RIPOR2: variants seen among roughly 807,000 people sequenced by gnomAD.
The protein encoded by RIPOR2 is rho family-interacting cell polarization regulator 2.
Under a neutral mutation model 114.5 loss-of-function variants are expected in RIPOR2, and 39 were observed. The ratio of observed to expected loss-of-function variants is 0.34; its 90% CI spans 0.26 to 0.44. The LOEUF is 0.44. Ranked by LOEUF, RIPOR2 falls within the 20% of genes least tolerant of loss-of-function variation. The pLI is 1.00. For synonymous variants in RIPOR2, 445 were observed against 484.4 expected (o/e 0.92, Z 1.07); for missense variants, 1,007 against 1,255.1 (o/e 0.80, Z 2.99).
intron 1 of RIPOR2, chr6:25,023,204 G>A (rs1776417003): frequency 1.6e-6 from 1 of 637,272 alleles, no homozygotes; most frequent in Admixed American, 1.8e-5. Flanking sequence ...GTACTTGGGG[G>A]ATCTGCAAAT....
chr6:25,011,473 C>A (rs1775772421), intron 1 of RIPOR2, among the ~76,000 whole-genome samples: 1 of 152,186 alleles, frequency 6.6e-6, no homozygotes, highest in Non-Finnish European at 1.5e-5. Flanking sequence ...GTCACATAGT[C>A]ATCAAACCAC....
intron 1 of RIPOR2, chr6:25,024,228 T>G: frequency 6.6e-7 from 1 of 1,521,306 alleles, no homozygotes; most frequent in South Asian, 1.1e-5. Context: ...GAGGTAGCGG[T>G]CCTCATACAG....
intron 1 of RIPOR2, among the ~76,000 whole-genome samples, chr6:24,968,738 T>C (rs1773645773): frequency 6.6e-6 from 1 of 152,128 alleles, no homozygotes; most frequent in Admixed American, 6.5e-5. Flanking sequence ...GAGTGAGTCA[T>C]TCCTTAAATT....
intron 1 of RIPOR2, among the ~76,000 whole-genome samples, chr6:25,031,701 A>T (rs1320377016): frequency 2.2e-3 from 3 of 1,372 alleles, no homozygotes; most frequent in East Asian, 0.014. Context: ...GGTGGTAGTT[A>T]TATATATATA....
chr6:24,850,844 C>T, intron 9 of RIPOR2, 122 bp from the exon 10 acceptor site: 1 of 1,103,796 alleles, frequency 9.1e-7, no homozygotes, highest in African/African-American at 1.5e-5. Context: ...CTTACTCTCC[C>T]TCCACCCCCT....
chr6:24,906,169 C>G (rs1030383679), intron 1 of RIPOR2, among the ~76,000 whole-genome samples: 1 of 152,148 alleles, frequency 6.6e-6, no homozygotes, highest in Non-Finnish European at 1.5e-5. Flanking sequence ...TGCCTTTTGA[C>G]TGTCCCTAAC....
intron 19 of RIPOR2, among the ~76,000 whole-genome samples, chr6:24,822,405 AT>A (rs1759776607): frequency 6.6e-6 from 1 of 152,242 alleles, no homozygotes; most frequent in Admixed American, 6.5e-5. Context: ...CCAAGCTAAC[AT>A]GCTAGGTGAT....
At chr6:24,957,384 A>C (rs1410632255) in intron 1 of RIPOR2, among the ~76,000 whole-genome samples, 2 of 152,226 alleles carry the variant, frequency 1.3e-5, no homozygotes, top group Non-Finnish European at 2.9e-5. Context: ...CAAGAGGTTA[A>C]GTAACTTGTC....
intron 1 of RIPOR2, among the ~76,000 whole-genome samples, chr6:24,991,864 G>C (rs1007599369): frequency 2.0e-4 from 31 of 152,140 alleles, no homozygotes; most frequent in Non-Finnish European, 4.4e-5. Context: ...ACCTTCCGAG[G>C]GAAGCTAACC....
chr6:24,955,909 T>A (rs919762026), intron 1 of RIPOR2, among the ~76,000 whole-genome samples: 1 of 150,794 alleles, frequency 6.6e-6, no homozygotes, highest in African/African-American at 2.4e-5. Flanking sequence ...CTTGGGAGGC[T>A]GAGGCAGGAG....
intron 1 of RIPOR2, among the ~76,000 whole-genome samples, chr6:24,987,340 A>G (rs1387323770): frequency 6.6e-6 from 1 of 152,186 alleles, no homozygotes; most frequent in Admixed American, 6.5e-5. Context: ...AGGTGATGAT[A>G]CACATTGCAT....
chr6:25,009,585 G>T (rs1313123763), intron 1 of RIPOR2, among the ~76,000 whole-genome samples: 1 of 152,168 alleles, frequency 6.6e-6, no homozygotes, highest in Non-Finnish European at 1.5e-5. Flanking sequence ...ATGGCTCCCA[G>T]CTTATGAATA....
intron 1 of RIPOR2, among the ~76,000 whole-genome samples, chr6:24,934,541 C>T (rs561282423): frequency 2.6e-5 from 4 of 152,256 alleles, no homozygotes; most frequent in Non-Finnish European, 4.4e-5. Flanking sequence ...GGGTTCTTTG[C>T]GACACTCTAA....
chr6:24,854,471 A>G (rs756008081), intron 8 of RIPOR2, among the ~76,000 whole-genome samples: 4 of 152,206 alleles, frequency 2.6e-5, no homozygotes, highest in Non-Finnish European at 5.9e-5. Flanking sequence ...TGCTAGTCAC[A>G]TGTGCATAGC....
At chr6:24,974,324 C>T (rs559651931) in intron 1 of RIPOR2, among the ~76,000 whole-genome samples, 25 of 152,268 alleles carry the variant, frequency 1.6e-4, no homozygotes, top group South Asian at 4.1e-4. Flanking sequence ...GAGCCGTGAT[C>T]GTGCCTCTGC....
intron 11 of RIPOR2, among the ~76,000 whole-genome samples, chr6:24,849,116 G>C (rs1762601270): frequency 6.6e-6 from 1 of 152,132 alleles, no homozygotes; most frequent in South Asian, 2.1e-4. Context: ...TGTTGGCCAG[G>C]CTGGTCTCAA....
intron 1 of RIPOR2, among the ~76,000 whole-genome samples, chr6:24,880,722 T>C (rs34516307): frequency 3.0e-3 from 459 of 152,356 alleles, no homozygotes; most frequent in Non-Finnish European, 4.6e-3. Context: ...TTAGGCTTTA[T>C]AAATTCTGAT....
intron 1 of RIPOR2, among the ~76,000 whole-genome samples, chr6:24,901,341 G>A (rs1223156434): frequency 6.6e-6 from 1 of 152,068 alleles, no homozygotes; most frequent in African/African-American, 2.4e-5. Context: ...CATCAGTGAG[G>A]GAAAGAGCCA....
At chr6:24,985,612 C>G (rs60764391) in intron 1 of RIPOR2, among the ~76,000 whole-genome samples, 4,002 of 152,208 alleles carry the variant, frequency 0.026, 138 homozygotes, top group African/African-American at 0.078. Flanking sequence ...GGATGAATTT[C>G]TATCCCCCGC....
Sources: gnomAD v4.1 joint callset for allele counts (sites outside exome capture counted in the v4.1 genomes callset) on GRCh38, gnomAD v4.1.1 for gene constraint, MANE v1.5 for transcripts, NCBI Gene and HGNC (gene_info 2026-07-23, HGNC 2026-07-21) for gene names.